Variants in OR1F1 observed in about 807,000 individuals in gnomAD.
The protein encoded by OR1F1 is olfactory receptor 1F1.
For synonymous variants in OR1F1, 184 were observed against 156.7 expected (o/e 1.17, Z -1.30); for missense variants, 493 against 376.3 (o/e 1.31, Z -2.57).
chr16:3,190,392 T>C, the OR1F1 span, among the ~76,000 whole-genome samples: 1 of 152,146 alleles, frequency 6.6e-6, no homozygotes, highest in East Asian at 1.9e-4. Context: ...CATTTTTGTT[T>C]GGGACGCTGG....
chr16:3,196,152 T>C, the OR1F1 span, among the ~76,000 whole-genome samples: 2 of 152,230 alleles, frequency 1.3e-5, no homozygotes, highest in East Asian at 1.9e-4. Context: ...CTTGCAGTTA[T>C]GCCCAGCTAG....
At chr16:3,201,853 C>G (rs926378817), upstream of OR1F1, among the ~76,000 whole-genome samples, 2 of 152,152 alleles carry the variant, frequency 1.3e-5, no homozygotes, top group African/African-American at 4.8e-5. Flanking sequence ...GTGACCCAAA[C>G]GTTACTACCC....
At chr16:3,202,382 A>G (rs555132233), upstream of OR1F1, among the ~76,000 whole-genome samples, 1 of 152,320 alleles carries the variant, frequency 6.6e-6, no homozygotes, top group Admixed American at 6.5e-5. Flanking sequence ...AGGCTTTGCA[A>G]GAAGACACCT....
chr16:3,202,684 T>A (rs1958148117), upstream of OR1F1, among the ~76,000 whole-genome samples: 1 of 147,664 alleles, frequency 6.8e-6, no homozygotes. Context: ...ATAATAATAA[T>A]AATAATAATA....
chr16:3,202,516 C>T (rs750469969), upstream of OR1F1, among the ~76,000 whole-genome samples: 3 of 152,036 alleles, frequency 2.0e-5, no homozygotes, highest in East Asian at 3.8e-4. Context: ...CCAGATCTTT[C>T]GTAATTAGCT....
upstream of OR1F1, among the ~76,000 whole-genome samples, chr16:3,200,129 G>A (rs957376310): frequency 1.3e-5 from 2 of 152,210 alleles, no homozygotes; most frequent in East Asian, 1.9e-4. Context: ...GATGCACGAG[G>A]GAGACTCCCT....
chr16:3,200,217 C>T (rs1296488184), upstream of OR1F1, among the ~76,000 whole-genome samples: 1 of 152,054 alleles, frequency 6.6e-6, no homozygotes, highest in Non-Finnish European at 1.5e-5. Context: ...TGGTCTTCTT[C>T]TCAGTGCACA....
chr16:3,204,179 A>G, upstream of OR1F1: 1 of 1,237,054 alleles, frequency 8.1e-7, no homozygotes, highest in Non-Finnish European at 1.1e-6. Context: ...GCCCCATCTT[A>G]ACCAGCATTT....
chr16:3,190,777 A>T, the OR1F1 span, among the ~76,000 whole-genome samples: 1 of 151,774 alleles, frequency 6.6e-6, no homozygotes, highest in Non-Finnish European at 1.5e-5. Flanking sequence ...AAGACCGCAA[A>T]ACAAGGTATC....
chr16:3,205,270 A>T, downstream of OR1F1: 1 of 954,656 alleles, frequency 1.0e-6, no homozygotes, highest in South Asian at 1.6e-5. Flanking sequence ...TCATTAAATG[A>T]TGTTCTTGCT....
the OR1F1 span, among the ~76,000 whole-genome samples, chr16:3,198,843 C>T: frequency 6.6e-6 from 1 of 151,788 alleles, no homozygotes; most frequent in Non-Finnish European, 1.5e-5. Context: ...CAAAAATTAG[C>T]TGGGCTTGGA....
chr16:3,196,967 G>A, the OR1F1 span, among the ~76,000 whole-genome samples: 1 of 152,038 alleles, frequency 6.6e-6, no homozygotes, highest in South Asian at 2.1e-4. Flanking sequence ...ACCTCCGCCT[G>A]CCGGCTTCAA....
the OR1F1 span, among the ~76,000 whole-genome samples, chr16:3,194,769 G>C: frequency 3.9e-5 from 6 of 152,236 alleles, no homozygotes; most frequent in Non-Finnish European, 7.3e-5. Flanking sequence ...GAGGTGGGCA[G>C]ATGATCATGT....
At chr16:3,203,590 C>CCCGT (rs1223239899), upstream of OR1F1, among the ~76,000 whole-genome samples, 3 of 152,174 alleles carry the variant, frequency 2.0e-5, no homozygotes, top group Non-Finnish European at 2.9e-5. Context: ...ATGGTGAAAC[C>CCCGT]CCGTCTCTAC....
At chr16:3,205,013 T>C (rs1389727788) in exon 1 of OR1F1, 11 of 1,613,948 alleles carry the variant, frequency 6.8e-6, no homozygotes, top group Admixed American at 3.3e-5. Flanking sequence ...AGCACCATCA[T>C]TGCTGTGTAT....
chr16:3,201,211 A>G (rs993581177), upstream of OR1F1, among the ~76,000 whole-genome samples: 5 of 152,208 alleles, frequency 3.3e-5, no homozygotes, highest in Admixed American at 3.3e-4. Context: ...CATTTTGTTT[A>G]TCTATTCATC....
upstream of OR1F1, among the ~76,000 whole-genome samples, chr16:3,203,932 C>T (rs553130429): frequency 1.7e-4 from 26 of 152,260 alleles, no homozygotes; most frequent in African/African-American, 6.3e-4. Flanking sequence ...GCCTCTGTCC[C>T]GTCTGTCTGA....
At chr16:3,193,780 A>G in the OR1F1 span, among the ~76,000 whole-genome samples, 3 of 152,182 alleles carry the variant, frequency 2.0e-5, no homozygotes, top group East Asian at 3.9e-4. Flanking sequence ...AAATTTTTGT[A>G]GAGACGGGGT....
the OR1F1 span, among the ~76,000 whole-genome samples, chr16:3,189,074 C>A: frequency 2.0e-5 from 3 of 152,118 alleles, no homozygotes; most frequent in African/African-American, 7.2e-5. Context: ...GGGTTCGAGG[C>A]CCACGTGGGA....
Sources: gnomAD v4.1 joint callset for allele counts (sites outside exome capture counted in the v4.1 genomes callset) on GRCh38, gnomAD v4.1.1 for gene constraint, MANE v1.5 for transcripts, NCBI Gene and HGNC (gene_info 2026-07-23, HGNC 2026-07-21) for gene names.